The following DAP3 variants were observed in gnomAD, a reference collection of about 807,000 sequenced individuals.
DAP3 encodes death associated protein 3, also known as small ribosomal subunit protein mS29.
A neutral mutation model predicts 51.9 loss-of-function variants in DAP3; 28 were observed. That is an observed-to-expected ratio of 0.54 (90% confidence interval 0.40 to 0.74). DAP3 has a LOEUF of 0.74. Ranked by LOEUF, DAP3 falls within the 30% of genes least tolerant of loss-of-function variation. The pLI is 0.00. For missense variants in DAP3, 458 were observed against 483.5 expected, an observed-to-expected ratio of 0.95 and a Z score of 0.49; for synonymous variants, 170 against 170.3, an observed-to-expected ratio of 1.00 and a Z score of 0.01.
At chr1:155,710,276 C>T (rs168343) in intron 2 of DAP3, 9,431 of 151,160 alleles carry the variant, frequency 0.062, 1,028 homozygotes, top group African/African-American at 0.22. Flanking sequence ...GTTGCCCAGG[C>T]TGGAGTGTGC....
chr1:155,712,102 C>T (rs1656785573), intron 2 of DAP3, among the ~76,000 whole-genome samples: 1 of 151,904 alleles, frequency 6.6e-6, no homozygotes, highest in African/African-American at 2.4e-5. Context: ...ACAGACACAC[C>T]CAGGAACAAT....
rs773664322 is a variant in DAP3, at chr1:155,738,259, G to A, written c.*17G>A. On this transcript the variant is annotated 3_prime_UTR_variant, in exon 13 of 13. Coordinates refer to ENST00000368336, the MANE Select transcript of DAP3 (RefSeq NM_004632.4). ...TACCTCTAAGCCAAGATCACAGCATGTGAGGAAGACAGTGGACATCTGCTT... is the reference window on the plus strand; with the variant it reads ...TACCTCTAAGCCAAGATCACAGCATATGAGGAAGACAGTGGACATCTGCTT... The A allele has an allele frequency of 1.2e-6, 2 of 1,614,056 alleles. No individual in the cohort carries two copies. Among genetic ancestry groups the A allele is most frequent in the East Asian group, 2.2e-5 (1 of 44,884 alleles).
intron 6 of DAP3, 181 bp downstream of exon 6, chr1:155,726,200 G>T (rs112599802): frequency 2.5e-6 from 1 of 407,800 alleles, no homozygotes; most frequent in Admixed American, 4.6e-5. Context: ...CGCAACCTCC[G>T]CCTCCCAGGC....
intron 9 of DAP3, 58 bp from the exon 10 acceptor site, chr1:155,731,298 G>T: frequency 6.5e-7 from 1 of 1,536,424 alleles, no homozygotes; most frequent in Non-Finnish European, 8.9e-7. Context: ...AATTGTTTCG[G>T]GAGAACATCT....
intron 3 of DAP3, among the ~76,000 whole-genome samples, chr1:155,719,859 A>G (rs1437074758): frequency 6.6e-6 from 1 of 151,956 alleles, no homozygotes; most frequent in Non-Finnish European, 1.5e-5. Flanking sequence ...AAGTTTTTCA[A>G]TTAGCAGTGC....
chr1:155,732,889 TG>T (rs1018788095), intron 11 of DAP3, among the ~76,000 whole-genome samples: 5 of 152,116 alleles, frequency 3.3e-5, no homozygotes, highest in African/African-American at 7.2e-5. Context: ...CCAGGCGTCG[TG>T]GCGCGTGGCT....
intron 1 of DAP3, among the ~76,000 whole-genome samples, chr1:155,706,748 AAAATAAAT>A (rs566737528): frequency 1.6e-4 from 24 of 151,816 alleles, no homozygotes; most frequent in Non-Finnish European, 1.8e-4. Flanking sequence ...ACTTCATCGC[AAAATAAAT>A]AAATAAATAA....
chr1:155,713,621 C>T (rs778397920), intron 2 of DAP3, among the ~76,000 whole-genome samples: 7 of 152,236 alleles, frequency 4.6e-5, no homozygotes, highest in South Asian at 2.1e-4. Flanking sequence ...CCTTTTCTTC[C>T]GAGCGTGTAG....
At chr1:155,711,143 G>C (rs1159388567) in intron 2 of DAP3, among the ~76,000 whole-genome samples, 4 of 151,768 alleles carry the variant, frequency 2.6e-5, no homozygotes, top group Non-Finnish European at 4.4e-5. Flanking sequence ...CGAAAGCAAG[G>C]ATCAGCAGAG....
upstream of DAP3, chr1:155,688,791 C>T: frequency 2.6e-6 from 4 of 1,545,176 alleles, no homozygotes; most frequent in African/African-American, 1.4e-5. Flanking sequence ...CGCGCGTGCG[C>T]CTCCCACAGT....
upstream of DAP3, chr1:155,688,671 G>C: frequency 3.3e-6 from 5 of 1,532,566 alleles, no homozygotes; most frequent in Admixed American, 2.0e-5. Context: ...TCAGCGGCGC[G>C]AGCCCAAGCC....
chr1:155,707,359 G>C (rs935451086), intron 1 of DAP3, among the ~76,000 whole-genome samples: 1 of 150,592 alleles, frequency 6.6e-6, no homozygotes, highest in Admixed American at 6.6e-5. Flanking sequence ...CTTGCAGTGA[G>C]CCAAGATCGC....
chr1:155,696,712 T>C (rs1654557937), intron 1 of DAP3, among the ~76,000 whole-genome samples: 1 of 152,380 alleles, frequency 6.6e-6, no homozygotes, highest in Admixed American at 6.5e-5. Context: ...TCTAACTAGC[T>C]GGATAGCTTT....
chr1:155,688,189 G>C, upstream of DAP3: 1 of 1,614,060 alleles, frequency 6.2e-7, no homozygotes, highest in Non-Finnish European at 8.5e-7. Flanking sequence ...GAGGCGGCCA[G>C]CGGGTAAGCC....
chr1:155,723,083 T>A (rs563943701), intron 4 of DAP3, among the ~76,000 whole-genome samples: 131 of 152,186 alleles, frequency 8.6e-4, no homozygotes, highest in African/African-American at 3.0e-3. Context: ...TTTTTTTTTT[T>A]AAATACTGCT....
intron 11 of DAP3, among the ~76,000 whole-genome samples, chr1:155,733,024 A>C (rs1571568342): frequency 1.3e-5 from 2 of 152,154 alleles, no homozygotes; most frequent in East Asian, 3.9e-4. Context: ...ACTCCGTCTC[A>C]AAAAAAAGAA....
chr1:155,708,280 C>T (rs960501975), intron 1 of DAP3, among the ~76,000 whole-genome samples: 1 of 152,150 alleles, frequency 6.6e-6, no homozygotes, highest in African/African-American at 2.4e-5. Flanking sequence ...AACTCCTGAC[C>T]TCAGGTGATC....
At position 155,737,003 on chromosome 1, in the gene DAP3, A is replaced by G; in HGVS notation, c.1051A>G (p.Lys351Glu). ...IPILVSNYNP[K>E]EFESCIQYYL... is the part of the protein sequence containing the mutation. ...CATCCTGGTTTCCAACTATAACCCAAAGGAATTTGAAAGTTGTATTCAGTA... is the reference window on the plus strand; with the variant it reads ...CATCCTGGTTTCCAACTATAACCCAGAGGAATTTGAAAGTTGTATTCAGTA... Residue 351 changes from lysine to glutamate, a missense_variant, in exon 12 of 13, where the codon AAG (lysine) becomes GAG (glutamate). By Grantham distance (56) the Lys-to-Glu change is moderately conservative. Transcript: ENST00000368336. The G allele has an allele frequency of 3.1e-6, 5 of 1,614,098 alleles. No individual in the cohort carries two copies. Among genetic ancestry groups the G allele is most frequent in the Non-Finnish European group, 4.2e-6 (5 of 1,180,012 alleles).
At chr1:155,727,528 A>C in intron 6 of DAP3, 80 bp from the exon 7 acceptor site, 1 of 1,477,270 alleles carries the variant, frequency 6.8e-7, no homozygotes, top group Non-Finnish European at 9.1e-7. Context: ...CATTTCCCAT[A>C]ACTTAAAAGA....
Sources: gnomAD v4.1 joint callset for allele counts (sites outside exome capture counted in the v4.1 genomes callset) on GRCh38, gnomAD v4.1.1 for gene constraint, MANE v1.5 for transcripts, NCBI Gene and HGNC (gene_info 2026-07-23, HGNC 2026-07-21) for gene names.